NRXN1: variants seen among roughly 807,000 people sequenced by gnomAD.
The protein encoded by NRXN1 is neurexin-1.
Under a neutral mutation model 150.9 loss-of-function variants are expected in NRXN1, and 39 were observed. The ratio of observed to expected loss-of-function variants is 0.26; its 90% CI spans 0.20 to 0.34. NRXN1 has a LOEUF of 0.34. Among genes scored for constraint, NRXN1 ranks in the 10% least tolerant of loss-of-function variants. NRXN1 has a pLI of 1.00. For missense variants in NRXN1, 1,815 were observed against 1,949.9 expected (o/e 0.93, Z 1.30); for synonymous variants, 924 against 757.0 (o/e 1.22, Z -3.62).
At chr2:50,487,043 G>A (rs1289831248) in intron 15 of NRXN1, among the ~76,000 whole-genome samples, 1 of 152,114 alleles carries the variant, frequency 6.6e-6, no homozygotes, top group Non-Finnish European at 1.5e-5. Context: ...GTTCTGGTGA[G>A]ATGCTTAACC....
At chr2:50,726,956 A>G (rs992122858) in intron 5 of NRXN1, among the ~76,000 whole-genome samples, 1 of 152,158 alleles carries the variant, frequency 6.6e-6, no homozygotes, top group Non-Finnish European at 1.5e-5. Flanking sequence ...TTCAATTTAA[A>G]AGAAATTAGA....
intron 19 of NRXN1, among the ~76,000 whole-genome samples, chr2:50,078,398 A>G (rs1697407422): frequency 6.6e-6 from 1 of 151,854 alleles, no homozygotes; most frequent in Admixed American, 6.6e-5. Flanking sequence ...TTATAGAATG[A>G]GAGTTCCAAA....
At chr2:50,424,133 AGGAGGAGGAGGGGG>A (rs1438560918) in intron 17 of NRXN1, among the ~76,000 whole-genome samples, 2 of 106,740 alleles carry the variant, frequency 1.9e-5, no homozygotes, top group Non-Finnish European at 3.6e-5. Flanking sequence ...GAGGCGGAGG[AGGAGGAGGAGGGGG>A]GGAGGAGGAA....
intron 5 of NRXN1, among the ~76,000 whole-genome samples, chr2:50,843,694 C>T (rs866765799): frequency 6.6e-6 from 1 of 152,154 alleles, no homozygotes; most frequent in Non-Finnish European, 1.5e-5. Flanking sequence ...TTTCATTGCT[C>T]TCATTGGTAT....
intron 17 of NRXN1, among the ~76,000 whole-genome samples, chr2:50,354,369 T>C (rs1317570071): frequency 2.6e-5 from 4 of 151,870 alleles, no homozygotes; most frequent in Non-Finnish European, 4.4e-5. Context: ...TTCTACAAAC[T>C]TGCTAGCTAT....
chr2:50,115,044 C>T (rs962795879), intron 18 of NRXN1, among the ~76,000 whole-genome samples: 8 of 151,354 alleles, frequency 5.3e-5, no homozygotes, highest in East Asian at 3.9e-4. Flanking sequence ...GTAGGTTCAT[C>T]GATTATAACA....
intron 5 of NRXN1, among the ~76,000 whole-genome samples, chr2:50,892,770 AAC>A (rs1470204711): frequency 2.0e-5 from 3 of 152,202 alleles, no homozygotes; most frequent in Admixed American, 2.0e-4. Flanking sequence ...TATGTATGTA[AAC>A]ACATATTATA....
At position 50,549,537 on chromosome 2, in the gene NRXN1, A is replaced by G. The variant is rs1239422617; in HGVS notation, c.1759+3050T>C. On this transcript the variant is annotated intron_variant, in intron 9 of 22. Coordinates refer to ENST00000401669, the MANE Select transcript of NRXN1 (RefSeq NM_001330078.2). ...TCTGATCTTTCCACTGGATTCAAAG[A>G]AAAATCTCATGCTTCGTTTATTTTC... Among the ~76,000 whole-genome samples the G allele has an allele frequency of 4.6e-5, 7 of 152,238 alleles. No individual in the cohort carries two copies. The East Asian group carries it at 1.3e-3, about 29-fold the overall frequency.
At chr2:50,951,381 T>C (rs1250418048) in intron 2 of NRXN1, among the ~76,000 whole-genome samples, 2 of 152,208 alleles carry the variant, frequency 1.3e-5, no homozygotes, top group South Asian at 2.1e-4. Flanking sequence ...AGTATGCTCA[T>C]TGAGCTTTCA....
In NRXN1 at chr2:49,948,571, T is replaced by A. The variant is rs536515402; in HGVS notation, c.4129-4780A>T. ...ATAGATGGCTTGGCAAAAATCATCA[T>A]CGCAGTATGAAAAATCAGGAAGTGG... is the stretch of plus-strand genomic sequence containing the variant. On this transcript the variant is annotated intron_variant, in intron 21 of 22. Transcript: ENST00000401669. Among the ~76,000 whole-genome samples the A allele has an allele frequency of 5.9e-5, 9 of 152,170 alleles. No individual in the cohort carries two copies. In the South Asian group the frequency reaches 1.0e-3, roughly 18 times the overall value.
In NRXN1 at chr2:50,361,087, C is replaced by T. The variant is rs757461564; in HGVS notation, c.3364+104355G>A. On this transcript the variant is annotated intron_variant, in intron 17 of 22. Transcript: ENST00000401669. ...CAGTGAGAACAAAGACACAGCGTACCAGCATCTCTAGGACACAGCTAAAGC... is the reference window on the plus strand; with the variant it reads ...CAGTGAGAACAAAGACACAGCGTACTAGCATCTCTAGGACACAGCTAAAGC... Among the ~76,000 whole-genome samples the T allele has an allele frequency of 2.6e-5, 4 of 152,114 alleles. 1 individual carries two copies. In the South Asian group the frequency reaches 8.3e-4, roughly 31 times the overall value.
At chr2:50,620,615 T>G (rs1679837404) in intron 7 of NRXN1, among the ~76,000 whole-genome samples, 1 of 152,140 alleles carries the variant, frequency 6.6e-6, no homozygotes, top group South Asian at 2.1e-4. Context: ...CGCAAGCTAT[T>G]TCCAGCAACA....
chr2:50,295,200 T>C (rs1333281076), intron 17 of NRXN1, among the ~76,000 whole-genome samples: 3 of 152,214 alleles, frequency 2.0e-5, no homozygotes, highest in African/African-American at 4.8e-5. Flanking sequence ...ATGTTAAGTT[T>C]TGAAACTTAA....
chr2:50,242,863 A>C (rs548271), intron 17 of NRXN1, among the ~76,000 whole-genome samples: 62,635 of 151,532 alleles, frequency 0.41, 13,131 homozygotes, highest in Middle Eastern at 0.46. Context: ...GAGAAAGAGA[A>C]TGCATATGCT....
chr2:50,136,245 C>G (rs539087499), intron 18 of NRXN1, among the ~76,000 whole-genome samples: 1 of 151,914 alleles, frequency 6.6e-6, no homozygotes, highest in South Asian at 2.1e-4. Context: ...GCCTGACTTA[C>G]GCCAAGAGAA....
At chr2:50,491,587 G>T (rs532588395) in intron 15 of NRXN1, among the ~76,000 whole-genome samples, 2 of 152,280 alleles carry the variant, frequency 1.3e-5, no homozygotes, top group South Asian at 4.2e-4. Flanking sequence ...TGAAGACAAT[G>T]CCAGAGCTCA....
intron 19 of NRXN1, among the ~76,000 whole-genome samples, chr2:50,060,159 A>G (rs758321393): frequency 4.7e-4 from 71 of 152,320 alleles, no homozygotes; most frequent in Non-Finnish European, 8.8e-4. Context: ...TGTACCCTGC[A>G]AAGCCACAGA....
intron 5 of NRXN1, among the ~76,000 whole-genome samples, chr2:50,729,556 T>C (rs569151378): frequency 2.0e-5 from 3 of 152,238 alleles, no homozygotes; most frequent in South Asian, 2.1e-4. Context: ...CATGGTCTTC[T>C]GAGGGTAGTT....
At chr2:50,695,930 C>T (rs1358399692) in intron 5 of NRXN1, among the ~76,000 whole-genome samples, 1 of 149,308 alleles carries the variant, frequency 6.7e-6, no homozygotes, top group Non-Finnish European at 1.5e-5. Flanking sequence ...GCAACCTCTG[C>T]CCTCCAGCTT....
Sources: gnomAD v4.1 joint callset for allele counts (sites outside exome capture counted in the v4.1 genomes callset) on GRCh38, gnomAD v4.1.1 for gene constraint, MANE v1.5 for transcripts, NCBI Gene and HGNC (gene_info 2026-07-23, HGNC 2026-07-21) for gene names.